The following UNC79 variants were observed in gnomAD, a reference collection of about 807,000 sequenced individuals.
The protein encoded by UNC79 is unc-79 subunit of NALCN channel complex.
A neutral mutation model predicts 283.1 loss-of-function variants in UNC79; 37 were observed. That is an observed-to-expected ratio of 0.13 (90% CI 0.10 to 0.17). UNC79 has a LOEUF of 0.17. UNC79 is among the 10% of genes least tolerant of loss of function. The pLI is 1.00. For missense variants in UNC79, 2,272 were observed against 3,211.1 expected (o/e 0.71, Z 7.07); for synonymous variants, 1,107 against 1,200.2 (o/e 0.92, Z 1.61).
intron 41 of UNC79, 108 bp downstream of exon 44, chr14:93,673,563 A>T: frequency 1.2e-6 from 1 of 808,942 alleles, no homozygotes; most frequent in South Asian, 2.0e-5. Flanking sequence ...TTGCTTAGAG[A>T]TGATAAATAA....
chr14:93,611,222 A>G (rs2066278191), intron 26 of UNC79, among the ~76,000 whole-genome samples: 1 of 152,238 alleles, frequency 6.6e-6, no homozygotes, highest in South Asian at 2.1e-4. Flanking sequence ...AAAGTGCGTC[A>G]TACATACTCA....
chr14:93,496,005 T>C (rs1241298184), intron 5 of UNC79, among the ~76,000 whole-genome samples: 3 of 152,220 alleles, frequency 2.0e-5, no homozygotes, highest in African/African-American at 7.2e-5. Flanking sequence ...ACCATAGCAA[T>C]TGTGAGATAA....
chr14:93,415,010 A>G (rs2055422280), intron 1 of UNC79, among the ~76,000 whole-genome samples: 1 of 152,104 alleles, frequency 6.6e-6, no homozygotes, highest in South Asian at 2.1e-4. Context: ...AATACCCTCT[A>G]TTTCCTTCTC....
rs758366939 is a variant in UNC79, at chr14:93,578,589, C to T, written c.2433+526C>T. ...CAGATGTTAACATTTACCACATCTGCTTCTCTTTCTCTGCATGTGTATGCG... is the reference window on the plus strand; with the variant it reads ...CAGATGTTAACATTTACCACATCTGTTTCTCTTTCTCTGCATGTGTATGCG... On this transcript the variant is annotated intron_variant, in intron 18 of 48. Transcript: ENST00000555664. 2.3e-4 allele frequency among the ~76,000 whole-genome samples: 35 copies of T among 152,308 alleles called. 1 individual carries two copies. The highest frequency in any genetic ancestry group is 4.1e-4 in the South Asian group (2 of 4,826).
chr14:93,500,172 G>T (rs1056540846), intron 7 of UNC79, among the ~76,000 whole-genome samples: 3 of 152,110 alleles, frequency 2.0e-5, no homozygotes, highest in Admixed American at 6.5e-5. Flanking sequence ...CCATCCCCGT[G>T]GCCATTGCCC....
chr14:93,536,228 T>A (rs1195951730), intron 11 of UNC79, among the ~76,000 whole-genome samples: 2 of 152,242 alleles, frequency 1.3e-5, no homozygotes, highest in African/African-American at 4.8e-5. Flanking sequence ...CCACAGAGCC[T>A]ATGAACATAA....
chr14:93,429,415 A>G (rs1045324449), upstream of UNC79, among the ~76,000 whole-genome samples: 2 of 152,224 alleles, frequency 1.3e-5, no homozygotes, highest in African/African-American at 4.8e-5. Context: ...GAGCCAATTC[A>G]CTAACCCTTT....
intron 42 of UNC79, among the ~76,000 whole-genome samples, chr14:93,685,607 G>T (rs995311682): frequency 3.9e-5 from 6 of 152,134 alleles, no homozygotes. Context: ...ACATGAATAT[G>T]GGAAAATGAG....
At chr14:93,608,842 G>C (rs2066082037) in intron 26 of UNC79, among the ~76,000 whole-genome samples, 1 of 152,118 alleles carries the variant, frequency 6.6e-6, no homozygotes, top group Admixed American at 6.6e-5. Context: ...TTTGAGTTTA[G>C]TGCACTTTGA....
rs2066839458 is a variant in UNC79 at position 93,617,841 on chromosome 14, G to A, written c.4225-351G>A. On this transcript the variant is annotated intron_variant, in intron 28 of 48. Coordinates refer to ENST00000555664, the Ensembl canonical transcript of UNC79. This position sits in a 1 kb window ranked among gnomAD's most constrained non-coding sequence, Gnocchi z 4.5. Reference sequence around the variant, plus strand: ...GTAGGTTGCCTGACTCCGGGAGTTCGAGCCCAGCCTGAGCAACATGGTGAA... The same window carrying A: ...GTAGGTTGCCTGACTCCGGGAGTTCAAGCCCAGCCTGAGCAACATGGTGAA... Among the ~76,000 whole-genome samples the A allele has an allele frequency of 6.6e-6, 1 of 151,972 alleles. No homozygotes were observed. The highest frequency in any genetic ancestry group is 1.5e-5 in the Non-Finnish European group (1 of 67,998).
chr14:93,535,899 T>C (rs1457881331), intron 11 of UNC79, among the ~76,000 whole-genome samples: 2 of 152,194 alleles, frequency 1.3e-5, no homozygotes, highest in East Asian at 3.9e-4. Flanking sequence ...GGAGGGAAAC[T>C]ATCCTTGACT....
At chr14:93,466,930 A>G in intron 1 of UNC79, 2 of 985,056 alleles carry the variant, frequency 2.0e-6, no homozygotes, top group Non-Finnish European at 2.4e-6. Flanking sequence ...AAATCTATTG[A>G]GTCCCTCCTG....
At chr14:93,510,139 G>A (rs1375267532) in intron 7 of UNC79, among the ~76,000 whole-genome samples, 1 of 152,224 alleles carries the variant, frequency 6.6e-6, no homozygotes, top group Non-Finnish European at 1.5e-5. Flanking sequence ...AGCTGGAGCT[G>A]GAGTGGCTAT....
chr14:93,606,293 G>C (rs566992248), intron 26 of UNC79, among the ~76,000 whole-genome samples: 2 of 152,290 alleles, frequency 1.3e-5, no homozygotes, highest in Non-Finnish European at 2.9e-5. Flanking sequence ...TGGAAAAGAG[G>C]CAGATAACAG....
intron 14 of UNC79, among the ~76,000 whole-genome samples, chr14:93,564,255 G>T (rs1041566827): frequency 2.0e-5 from 3 of 152,192 alleles, no homozygotes; most frequent in African/African-American, 7.2e-5. Context: ...GGGTCAGCTA[G>T]GTTTCCATTT....
chr14:93,490,281 T>C (rs2140496824), intron 5 of UNC79, among the ~76,000 whole-genome samples: 1 of 152,252 alleles, frequency 6.6e-6, no homozygotes, highest in African/African-American at 2.4e-5. Context: ...TATTAAATGG[T>C]CACTTGGCTA....
intron 1 of UNC79, among the ~76,000 whole-genome samples, chr14:93,433,936 G>A (rs916437471): frequency 1.3e-5 from 2 of 152,146 alleles, no homozygotes; most frequent in African/African-American, 2.4e-5. Flanking sequence ...GCTAGTGGCC[G>A]GGCGCAGTGG....
intron 35 of UNC79, among the ~76,000 whole-genome samples, chr14:93,651,960 C>CT (rs2070330367): frequency 1.2e-5 from 1 of 85,382 alleles, no homozygotes; most frequent in Non-Finnish European, 2.2e-5. Context: ...CATGGTTTCT[C>CT]TATGTTGGTC....
intron 3 of UNC79, among the ~76,000 whole-genome samples, chr14:93,475,807 G>T (rs2057767785): frequency 6.6e-6 from 1 of 152,322 alleles, no homozygotes; most frequent in Admixed American, 6.5e-5. Flanking sequence ...ATTGCAATCT[G>T]TGTAATTGCA....
Sources: allele counts gnomAD v4.1 joint callset (sites outside exome capture counted in the v4.1 genomes callset), GRCh38; gene constraint gnomAD v4.1.1; non-coding constraint Gnocchi (gnomAD v3.1); transcripts MANE v1.5; gene names NCBI Gene and HGNC (gene_info 2026-07-23, HGNC 2026-07-21).